Variants in PKP4 observed in about 807,000 individuals in gnomAD.
The protein encoded by PKP4 is plakophilin 4.
A neutral mutation model predicts 145.1 loss-of-function variants in PKP4; 90 were observed. That is an observed-to-expected ratio of 0.62 (90% CI 0.52 to 0.74). The LOEUF (loss-of-function observed/expected upper bound fraction) is 0.74, where lower values mean the gene tolerates loss of function less well. Ranked by LOEUF, PKP4 falls within the 30% of genes least tolerant of loss-of-function variation. The pLI is 0.00. For synonymous variants in PKP4, 563 were observed against 577.2 expected (o/e 0.98, Z 0.35); for missense variants, 1,340 against 1,482.7 (o/e 0.90, Z 1.58).
At chr2:158,485,099 G>A (rs541466684) in intron 1 of PKP4, among the ~76,000 whole-genome samples, 3 of 152,294 alleles carry the variant, frequency 2.0e-5, no homozygotes, top group African/African-American at 4.8e-5. Flanking sequence ...AAGCCTCACC[G>A]TGGTCTACAA....
At chr2:158,466,967 C>T (rs1053228534) in intron 1 of PKP4, among the ~76,000 whole-genome samples, 2 of 152,106 alleles carry the variant, frequency 1.3e-5, no homozygotes, top group African/African-American at 4.8e-5. Flanking sequence ...TAATTTAAAG[C>T]ACATGAAGTT....
At chr2:158,532,640 A>ATTC (rs61565723) in intron 1 of PKP4, among the ~76,000 whole-genome samples, 138,875 of 152,034 alleles carry the variant, frequency 0.91, 63,480 homozygotes, top group East Asian at 0.98. Context: ...CCAAGAACCT[A>ATTC]TTCTATCATA....
chr2:158,582,183 T>G (rs780948497), intron 3 of PKP4, among the ~76,000 whole-genome samples: 1 of 152,228 alleles, frequency 6.6e-6, no homozygotes, highest in Non-Finnish European at 1.5e-5. Context: ...AATATTTTAC[T>G]CATTGAAGTT....
At chr2:158,568,647 C>T (rs79627594) in intron 2 of PKP4, among the ~76,000 whole-genome samples, 55 of 152,232 alleles carry the variant, frequency 3.6e-4, no homozygotes, top group Non-Finnish European at 6.5e-4. Flanking sequence ...GGCTGAAGAG[C>T]CAAGGGCAAG....
At position 158,680,537 on chromosome 2, in the gene PKP4, C is replaced by T. The variant is rs1418361345; in HGVS notation, c.3439C>T (p.Arg1147Ter). ...CTATGAAGATCCTTATTTTGATGAC[C>T]GAGTTCACTTTCCAGCTTCTACTGA... Reference protein sequence around the residue: ...HSYEDPYFDDRVHFPASTDYS... With the variant: ...HSYEDPYFDD The change falls in exon 22 of 22, where the codon CGA becomes TGA. Residue 1147 changes from arginine (R) to a stop codon, truncating the protein, a stop_gained. Transcript: ENST00000389759. LOFTEE classifies it high-confidence loss of function. 10 of 1,613,852 alleles carry T rather than the reference C, an allele frequency of 6.2e-6. No homozygotes were observed. The highest frequency in any genetic ancestry group is 2.2e-5 in the South Asian group (2 of 91,078).
intron 1 of PKP4, among the ~76,000 whole-genome samples, chr2:158,523,312 G>A (rs916323172): frequency 1.5e-5 from 2 of 129,904 alleles, no homozygotes; most frequent in Admixed American, 1.7e-4. Context: ...TCCTCAAGTG[G>A]GTCCCTGACC....
intron 21 of PKP4, chr2:158,678,880 C>T: frequency 1.7e-6 from 1 of 575,316 alleles, no homozygotes; most frequent in Non-Finnish European, 3.1e-6. Context: ...CACCGTGCCA[C>T]TGATGGGGAC....
chr2:158,565,575 A>G (rs999830550), intron 2 of PKP4, among the ~76,000 whole-genome samples: 2 of 151,886 alleles, frequency 1.3e-5, no homozygotes, highest in Non-Finnish European at 2.9e-5. Context: ...GCTTTTATAT[A>G]TAGGTGGAAG....
At chr2:158,564,335 A>G (rs1260674617) in intron 2 of PKP4, among the ~76,000 whole-genome samples, 1 of 152,152 alleles carries the variant, frequency 6.6e-6, no homozygotes, top group African/African-American at 2.4e-5. Context: ...TTCTGAAGCA[A>G]CAGATAAGAG....
intron 3 of PKP4, among the ~76,000 whole-genome samples, chr2:158,601,979 T>C (rs2050271287): frequency 6.6e-6 from 1 of 152,208 alleles, no homozygotes; most frequent in Non-Finnish European, 1.5e-5. Context: ...TTTCTATAAA[T>C]TTAATAAGCA....
chr2:158,522,727 A>G (rs942220433), intron 1 of PKP4, among the ~76,000 whole-genome samples: 2 of 152,240 alleles, frequency 1.3e-5, no homozygotes, highest in African/African-American at 2.4e-5. Flanking sequence ...TACCGGGTTC[A>G]TCTCACTAGG....
At chr2:158,622,690 TATAAC>T (rs767037966) in intron 6 of PKP4, among the ~76,000 whole-genome samples, 1 of 152,076 alleles carries the variant, frequency 6.6e-6, no homozygotes, top group Non-Finnish European at 1.5e-5. Flanking sequence ...TAAACACAAA[TATAAC>T]ATATGAATTT....
At chr2:158,521,778 T>G (rs1242529294) in intron 1 of PKP4, among the ~76,000 whole-genome samples, 3 of 152,216 alleles carry the variant, frequency 2.0e-5, no homozygotes, top group Non-Finnish European at 4.4e-5. Context: ...TCTGTTCCAG[T>G]TTCATTATAA....
intron 1 of PKP4, among the ~76,000 whole-genome samples, chr2:158,520,008 A>G (rs2105560097): frequency 6.6e-6 from 1 of 152,358 alleles, no homozygotes; most frequent in South Asian, 2.1e-4. Flanking sequence ...AACCCGTAGT[A>G]CTTTTCAAAA....
At chr2:158,481,208 G>C (rs964515520) in intron 1 of PKP4, among the ~76,000 whole-genome samples, 2 of 152,118 alleles carry the variant, frequency 1.3e-5, no homozygotes, top group Non-Finnish European at 2.9e-5. Context: ...ACAGGTGTGA[G>C]CCACCACACC....
intron 1 of PKP4, among the ~76,000 whole-genome samples, chr2:158,480,853 A>G (rs1010683052): frequency 4.6e-5 from 7 of 152,106 alleles, no homozygotes; most frequent in African/African-American, 1.7e-4. Flanking sequence ...CCCCATACTC[A>G]TTAAGCAGTC....
At chr2:158,559,301 A>G (rs982592441) in intron 2 of PKP4, among the ~76,000 whole-genome samples, 1 of 151,220 alleles carries the variant, frequency 6.6e-6, no homozygotes, top group South Asian at 2.1e-4. Context: ...CACTTTGCTG[A>G]TGAATTCAGA....
chr2:158,554,429 A>AT lies in PKP4; in HGVS notation c.132+21127dup, dbSNP rs563557560. Among the ~76,000 whole-genome samples the AT allele has an allele frequency of 6.5e-3, 914 of 141,184 alleles. 4 individuals are homozygous for AT. The highest frequency in any genetic ancestry group is 0.016 in the African/African-American group (631 of 38,408). 92.6% of individuals were successfully genotyped at this position (141,184 alleles called of 152,430 possible). A position where few individuals can be genotyped will look rare whatever the true frequency, so the allele number is the denominator to read the frequency against. On this transcript the variant is annotated intron_variant, in intron 2 of 21. Transcript: ENST00000389759. ...TCACTCAGAAATAATTATTATTATT[A>AT]TTTTTTTTTTTTTTGAGACGGAGTC...
chr2:158,614,571 C>T (rs540789197), intron 4 of PKP4, among the ~76,000 whole-genome samples: 13 of 152,226 alleles, frequency 8.5e-5, no homozygotes, highest in African/African-American at 1.7e-4. Context: ...AAGTTTAGAA[C>T]GATAGATGTC....
Sources: gnomAD v4.1 joint callset for allele counts (sites outside exome capture counted in the v4.1 genomes callset) on GRCh38, gnomAD v4.1.1 for gene constraint, MANE v1.5 for transcripts, NCBI Gene and HGNC (gene_info 2026-07-23, HGNC 2026-07-21) for gene names.